The following SPAG16 variants were observed in gnomAD, a reference collection of about 807,000 sequenced individuals.
SPAG16 encodes the protein sperm associated antigen 16.
A neutral mutation model predicts 80.4 loss-of-function variants in SPAG16; 86 were observed. The ratio of observed to expected loss-of-function variants is 1.07; its 90% CI spans 0.90 to 1.28. The LOEUF is 1.28. Ranked by LOEUF, SPAG16 falls within the 50% of genes most tolerant of loss-of-function variation. The probability of loss-of-function intolerance (pLI) is 0.00; values close to 1 mark genes in which losing one functional copy is unlikely to be tolerated. For synonymous variants in SPAG16, 294 were observed against 265.9 expected (o/e 1.11, Z -1.03); for missense variants, 870 against 765.3 (o/e 1.14, Z -1.61).
intron 3 of SPAG16, among the ~76,000 whole-genome samples, chr2:213,304,984 G>C (rs934655547): frequency 1.2e-4 from 18 of 152,090 alleles, no homozygotes; most frequent in African/African-American, 4.1e-4. Context: ...CATTTTGGCA[G>C]TATTGATTCT....
intron 10 of SPAG16, among the ~76,000 whole-genome samples, chr2:213,536,193 T>C (rs1319516298): frequency 6.6e-6 from 1 of 152,172 alleles, no homozygotes; most frequent in Non-Finnish European, 1.5e-5. Flanking sequence ...TACTCAAATT[T>C]GAATAAAGAA....
intron 9 of SPAG16, among the ~76,000 whole-genome samples, chr2:213,395,829 T>C (rs1202239712): frequency 6.6e-6 from 1 of 152,222 alleles, no homozygotes; most frequent in African/African-American, 2.4e-5. Context: ...CACTTCAATT[T>C]TGCTTTACAA....
chr2:213,529,155 A>G (rs542175573), intron 10 of SPAG16, among the ~76,000 whole-genome samples: 5 of 152,198 alleles, frequency 3.3e-5, no homozygotes, highest in African/African-American at 1.2e-4. Context: ...CATTATTTTA[A>G]GGAATAAATT....
At chr2:214,277,958 G>A (rs568960082) in intron 15 of SPAG16, among the ~76,000 whole-genome samples, 1 of 152,318 alleles carries the variant, frequency 6.6e-6, no homozygotes, top group Non-Finnish European at 1.5e-5. Flanking sequence ...CTGTGGTGGG[G>A]TCCACCAGTT....
chr2:213,634,929 A>G (rs948822751), intron 10 of SPAG16, among the ~76,000 whole-genome samples: 1 of 150,916 alleles, frequency 6.6e-6, no homozygotes, highest in Non-Finnish European at 1.5e-5. Context: ...GAATGCCATT[A>G]TTTCACTCAT....
Position 213,386,707 on chromosome 2 carries a change from T to C in SPAG16, c.942+11588T>C, listed in dbSNP as rs559963350. Among the ~76,000 whole-genome samples, 6 of 152,342 alleles carry C rather than the reference T, an allele frequency of 3.9e-5. No individual in the cohort carries two copies. In the South Asian group the frequency reaches 1.2e-3, roughly 32 times the overall value. ...AAGTTGGTTACATTTTAAAGTCAAT[T>C]CTTATGGTTTAAACTATTTTCTCTT... On this transcript the variant is annotated intron_variant, in intron 9 of 15. Transcript: ENST00000331683.
chr2:214,307,624 T>G (rs1426902364), intron 15 of SPAG16, among the ~76,000 whole-genome samples: 1 of 152,198 alleles, frequency 6.6e-6, no homozygotes, highest in East Asian at 1.9e-4. Flanking sequence ...AAGAACTTCT[T>G]GACTTCTATC....
chr2:213,368,899 C>A (rs1416543274), intron 8 of SPAG16, among the ~76,000 whole-genome samples: 2 of 152,088 alleles, frequency 1.3e-5, no homozygotes, highest in Non-Finnish European at 2.9e-5. Flanking sequence ...AACCACTGCT[C>A]AATGAAGTAA....
At chr2:213,642,517 G>T (rs1177128025) in intron 10 of SPAG16, among the ~76,000 whole-genome samples, 1 of 152,028 alleles carries the variant, frequency 6.6e-6, no homozygotes, top group Non-Finnish European at 1.5e-5. Flanking sequence ...GAGTCAGTGG[G>T]TTGGGAAAGG....
intron 13 of SPAG16, among the ~76,000 whole-genome samples, chr2:214,042,504 A>G (rs559850406): frequency 1.6e-3 from 243 of 152,254 alleles, no homozygotes; most frequent in African/African-American, 5.3e-3. Flanking sequence ...TTGAGGCTTC[A>G]TATTCTTTTC....
intron 13 of SPAG16, among the ~76,000 whole-genome samples, chr2:214,030,852 T>C (rs150076107): frequency 1.2e-4 from 18 of 152,340 alleles, no homozygotes; most frequent in African/African-American, 4.1e-4. Context: ...CCTAAGGCAA[T>C]GCCACAGCTT....
chr2:213,818,736 G>A (rs1334148784), intron 10 of SPAG16, among the ~76,000 whole-genome samples: 2 of 152,140 alleles, frequency 1.3e-5, no homozygotes, highest in Non-Finnish European at 2.9e-5. Context: ...CTAGTGGGAG[G>A]TGATTGTACC....
intron 14 of SPAG16, among the ~76,000 whole-genome samples, chr2:214,109,147 T>C (rs1427606480): frequency 6.6e-6 from 1 of 152,186 alleles, no homozygotes; most frequent in Non-Finnish European, 1.5e-5. Context: ...GATGGTGCCA[T>C]GCTCTGGGAC....
intron 9 of SPAG16, chr2:213,422,621 G>C (rs1429732498): frequency 3.1e-6 from 1 of 322,810 alleles, no homozygotes; most frequent in African/African-American, 2.1e-5. Context: ...ACACCCTAGG[G>C]ATCCTGTGAC....
intron 10 of SPAG16, among the ~76,000 whole-genome samples, chr2:213,492,830 A>G (rs1490164039): frequency 1.3e-5 from 2 of 152,214 alleles, no homozygotes; most frequent in Non-Finnish European, 2.9e-5. Flanking sequence ...AATGACAATG[A>G]TAATGGAAAT....
rs36033418 is a variant in SPAG16 at position 213,763,658 on chromosome 2, A to AT, written c.1071-98817dup. 7.8e-4 allele frequency among the ~76,000 whole-genome samples: 118 copies of AT among 150,440 alleles called. 1 individual carries two copies. The highest frequency in any genetic ancestry group is 2.5e-3 in the African/African-American group (104 of 41,096). ...TTAAAAATTTTAAAGGGTGGATCTC[A>AT]TTTTTTTTTTACCACGATAAAAAGG... On this transcript the variant is annotated intron_variant, in intron 10 of 15. Coordinates refer to ENST00000331683, the MANE Select transcript of SPAG16 (RefSeq NM_024532.5).
At chr2:213,486,025 A>C (rs1012868474) in intron 9 of SPAG16, among the ~76,000 whole-genome samples, 6 of 152,172 alleles carry the variant, frequency 3.9e-5, no homozygotes, top group African/African-American at 1.2e-4. Flanking sequence ...AGTTCACATC[A>C]GTATAATTGA....
chr2:214,375,582 A>G (rs1440293370), intron 15 of SPAG16, among the ~76,000 whole-genome samples: 1 of 152,184 alleles, frequency 6.6e-6, no homozygotes, highest in East Asian at 1.9e-4. Context: ...CATACAAGAA[A>G]AAATCGCTGT....
At chr2:213,729,908 A>T (rs140435109) in intron 10 of SPAG16, among the ~76,000 whole-genome samples, 1 of 152,192 alleles carries the variant, frequency 6.6e-6, no homozygotes, top group African/African-American at 2.4e-5. Context: ...TAATGTCTAG[A>T]TGAACTCTCT....
Sources: allele counts gnomAD v4.1 joint callset (sites outside exome capture counted in the v4.1 genomes callset), GRCh38; gene constraint gnomAD v4.1.1; transcripts MANE v1.5; gene names NCBI Gene and HGNC (gene_info 2026-07-23, HGNC 2026-07-21).